The following TPM1 variants were observed in gnomAD, a reference collection of about 807,000 sequenced individuals.
TPM1 encodes the protein tropomyosin 1, also known as tropomyosin alpha-1 chain.
Under a neutral mutation model 42.9 loss-of-function variants are expected in TPM1, and 24 were observed. That is an observed-to-expected ratio of 0.56 (90% CI 0.41 to 0.79). TPM1 has a LOEUF of 0.79. TPM1 is among the 30% of genes least tolerant of loss of function. The pLI, the probability that TPM1 is intolerant of heterozygous loss-of-function variation, is 0.00. For synonymous variants in TPM1, 136 were observed against 130.1 expected (o/e 1.05, Z -0.31); for missense variants, 158 against 351.8 (o/e 0.45, Z 4.41).
rs2140991865 is a variant in TPM1 at position 63,064,077 on chromosome 15, T to C, written c.786T>C (p.Ala262=). The part of the protein sequence containing the change: ...SIDDLEDELY[A]QKLKYKAISE... ...TCCTGGTCATAGACGAGCTGTACGC[T>C]CAGAAACTGAAGTACAAAGCCATCA... Residue 262 remains alanine (A), a synonymous_variant, in exon 9 of 10, where the codon GCT becomes GCC. Transcript: ENST00000403994. The C allele has an allele frequency of 6.2e-7, 1 of 1,614,074 alleles. No individual in the cohort carries two copies. Among genetic ancestry groups the C allele is most frequent in the Non-Finnish European group, 8.5e-7 (1 of 1,180,022 alleles).
chr15:63,067,196 A>T (rs1302832309), downstream of TPM1, among the ~76,000 whole-genome samples: 1 of 152,198 alleles, frequency 6.6e-6, no homozygotes, highest in Admixed American at 6.5e-5. Flanking sequence ...ATAAATTTGG[A>T]CAAACTCAGA....
chr15:63,068,365 G>A (rs2729827), downstream of TPM1, among the ~76,000 whole-genome samples: 114,797 of 152,086 alleles, frequency 0.75, 44,096 homozygotes, highest in East Asian at 1. Flanking sequence ...GGTAGCGGAC[G>A]TTTGACTGGG....
chr15:63,059,663 G>T lies in TPM1; in HGVS notation c.475G>T (p.Asp159Tyr). ...GGCCAAGCACATTGCTGAAGATGCCGACCGCAAATATGAAGAGGTCAGATC... is the reference window on the plus strand; with the variant it reads ...GGCCAAGCACATTGCTGAAGATGCCTACCGCAAATATGAAGAGGTCAGATC... Reference protein sequence around the residue: ...KEAKHIAEDADRKYEEVARKL... With the variant: ...KEAKHIAEDAYRKYEEVARKL... Residue 159 changes from aspartate (D) to tyrosine (Y), a missense_variant, in exon 4 of 10, where the codon GAC (aspartate) becomes TAC (tyrosine). Around this residue, in one of 4 missense-constraint regions of TPM1, gnomAD observed 65 missense variants for 208.8 expected, o/e 0.31. Coordinates refer to ENST00000403994, the MANE Select transcript of TPM1 (RefSeq NM_001018005.2). 1.9e-6 allele frequency: 3 copies of T among 1,609,936 alleles called. No homozygotes were observed. The South Asian group carries it at 3.3e-5, about 18-fold the overall frequency.
At chr15:63,047,699 C>A (rs1224140941) in intron 2 of TPM1, 1 of 152,460 alleles carries the variant, frequency 6.6e-6, no homozygotes, top group Non-Finnish European at 1.5e-5. Flanking sequence ...CAGCCTGACT[C>A]TTAAAACAAT....
chr15:63,048,267 AC>A (rs1233619284), intron 2 of TPM1: 27 of 547,816 alleles, frequency 4.9e-5, no homozygotes, highest in Non-Finnish European at 6.5e-5. Flanking sequence ...CTCACCAGGT[AC>A]CCCCGCAGCG....
chr15:63,060,902 C>G lies in TPM1; in HGVS notation c.526C>G (p.Leu176Val). 6.2e-7 allele frequency: 1 copy of G among 1,614,184 alleles called. No homozygotes were observed. The highest frequency in any genetic ancestry group is 8.5e-7 in the Non-Finnish European group (1 of 1,180,036). The change falls in exon 5 of 10, where the codon CTG (leucine) becomes GTG (valine). Residue 176 changes from leucine to valine, a missense_variant. Leu to Val is a conservative substitution (Grantham distance 32, BLOSUM62 1). Around this residue, in one of 4 missense-constraint regions of TPM1, gnomAD observed 65 missense variants for 208.8 expected, o/e 0.31. Coordinates refer to ENST00000403994, the MANE Select transcript of TPM1 (RefSeq NM_001018005.2). The stretch of plus-strand genomic sequence containing the variant: ...TAAGCTGGTCATCATTGAGAGCGAC[C>G]TGGAACGTGCAGAGGAGCGGGCTGA... Reference protein sequence around the residue: ...ARKLVIIESDLERAEERAELS... With the variant: ...ARKLVIIESDVERAEERAELS...
chr15:63,059,415 G>A (rs1056885076), intron 3 of TPM1, 148 bp from the exon 4 acceptor site: 16 of 609,042 alleles, frequency 2.6e-5, no homozygotes, highest in Non-Finnish European at 4.6e-5. Context: ...TCTGGAAATT[G>A]TTGTTTCCTG....
intron 3 of TPM1, among the ~76,000 whole-genome samples, chr15:63,058,584 C>T (rs1465759901): frequency 6.6e-6 from 1 of 152,238 alleles, no homozygotes; most frequent in Admixed American, 6.5e-5. Flanking sequence ...TGGTGCACAC[C>T]TGTAATCCCA....
chr15:63,048,701 G>C (rs1479983934), intron 2 of TPM1: 1 of 1,538,604 alleles, frequency 6.5e-7, no homozygotes, highest in African/African-American at 1.4e-5. Flanking sequence ...GGAAGCTGAG[G>C]GAGACCGTAA....
chr15:63,063,703 T>C, intron 8 of TPM1: 1 of 230,466 alleles, frequency 4.3e-6, no homozygotes, highest in Non-Finnish European at 8.6e-6. Flanking sequence ...AAAATATAGC[T>C]CTGCAAAAGA....
chr15:63,063,474 A>G (rs1239686021), intron 8 of TPM1: 2 of 627,386 alleles, frequency 3.2e-6, no homozygotes, highest in East Asian at 2.8e-4. Context: ...CTCCTGGACC[A>G]GTAATAGGCA....
intron 2 of TPM1, chr15:63,047,730 T>C (rs2032707404): frequency 6.6e-6 from 1 of 152,530 alleles, no homozygotes; most frequent in Non-Finnish European, 1.5e-5. Flanking sequence ...TTCTTAATCG[T>C]AGCTATCATT....
chr15:63,064,008 A>G (rs2140990888), intron 8 of TPM1, 56 bp from the exon 9 acceptor site: 7 of 1,606,942 alleles, frequency 4.4e-6, no homozygotes, highest in Non-Finnish European at 5.9e-6. Flanking sequence ...CTCACCCTCC[A>G]TTTCTTGATC....
At chr15:63,048,274 C>T (rs2032873875) in intron 2 of TPM1, 1 of 593,794 alleles carries the variant, frequency 1.7e-6, no homozygotes, top group African/African-American at 1.9e-5. Flanking sequence ...GGTACCCCCG[C>T]AGCGCGCCGG....
chr15:63,049,694 A>G (rs1659957619), intron 2 of TPM1, among the ~76,000 whole-genome samples: 1 of 152,200 alleles, frequency 6.6e-6, no homozygotes, highest in Non-Finnish European at 1.5e-5. Flanking sequence ...AAATGGCTGT[A>G]TGGCTGGCCA....
At chr15:63,063,275 A>G (rs1437321491) in intron 8 of TPM1, 1 of 985,332 alleles carries the variant, frequency 1.0e-6, no homozygotes. Context: ...ACAAATATCT[A>G]CATCACAGAA....
downstream of TPM1, among the ~76,000 whole-genome samples, chr15:63,068,012 T>G (rs1336105662): frequency 6.6e-6 from 1 of 152,216 alleles, no homozygotes; most frequent in African/African-American, 2.4e-5. Flanking sequence ...ACCCTCTGGA[T>G]TCTCCAGATT....
chr15:63,048,874 C>A lies in TPM1; in HGVS notation c.240+4722C>A, dbSNP rs11856618. 0.057 allele frequency: 48,981 copies of A among 854,212 alleles called. 2,251 individuals are homozygous for A. The highest frequency in any genetic ancestry group is 0.16 in the East Asian group (5,750 of 36,076). The allele number at this position is 854,212 out of a possible 1,614,324, so 52.9% of individuals were successfully genotyped here. A position where few individuals can be genotyped will look rare whatever the true frequency, so the allele number is the denominator to read the frequency against. The stretch of plus-strand genomic sequence containing the variant: ...GCTGGCGGCGGGCTCTGGGGAGGGG[C>A]CCGGCCTGTTCTCCTGAGCCTTTGT... On this transcript the variant is annotated intron_variant, in intron 2 of 9. Coordinates refer to ENST00000403994, the MANE Select transcript of TPM1 (RefSeq NM_001018005.2).
intron 2 of TPM1, 95 bp from the exon 3 acceptor site, chr15:63,056,890 C>A: frequency 6.4e-7 from 1 of 1,553,730 alleles, no homozygotes; most frequent in Non-Finnish European, 8.9e-7. Flanking sequence ...AGACAGTCTT[C>A]CTATCTGAAA....
Sources: gnomAD v4.1 joint callset for allele counts (sites outside exome capture counted in the v4.1 genomes callset) on GRCh38, gnomAD v4.1.1 for gene constraint, gnomAD v4.1.1 regional missense constraint, MANE v1.5 for transcripts, NCBI Gene and HGNC (gene_info 2026-07-23, HGNC 2026-07-21) for gene names.